Variants in BRDT observed in about 807,000 individuals in gnomAD.
BRDT encodes bromodomain testis associated.
A neutral mutation model predicts 113.9 loss-of-function variants in BRDT; 77 were observed. That is an observed-to-expected ratio of 0.68 (90% CI 0.56 to 0.82). BRDT has a LOEUF of 0.82. BRDT is among the 40% of genes least tolerant of loss of function. The pLI, the probability that BRDT is intolerant of heterozygous loss-of-function variation, is 0.00. For missense variants in BRDT, 1,027 were observed against 1,105.4 expected, an observed-to-expected ratio of 0.93 and a Z score of 1.01; for synonymous variants, 358 against 366.5, an observed-to-expected ratio of 0.98 and a Z score of 0.26.
intron 18 of BRDT, among the ~76,000 whole-genome samples, chr1:92,006,792 A>G (rs974113028): frequency 9.5e-5 from 14 of 148,098 alleles, no homozygotes; most frequent in African/African-American, 3.0e-4. Context: ...TTTTTATTTT[A>G]TTTTATTTTT....
intron 4 of BRDT, 75 bp downstream of exon 4, chr1:91,968,335 C>T: frequency 1.3e-6 from 2 of 1,530,016 alleles, no homozygotes; most frequent in Non-Finnish European, 1.8e-6. Flanking sequence ...TGTGTAAATC[C>T]CTCAAAGGAG....
chr1:91,957,030 T>C (rs1681848303), intron 1 of BRDT, among the ~76,000 whole-genome samples: 1 of 152,214 alleles, frequency 6.6e-6, no homozygotes. Flanking sequence ...TTATAGGTAC[T>C]ATGTACTTAG....
At chr1:91,973,407 T>A (rs1003658163) in intron 4 of BRDT, among the ~76,000 whole-genome samples, 1 of 152,082 alleles carries the variant, frequency 6.6e-6, no homozygotes, top group Non-Finnish European at 1.5e-5. Context: ...ATTCTTCCTA[T>A]CCATGAGCAT....
rs181333943 is a variant in BRDT, at chr1:91,971,122, T to G, written c.445+2862T>G. 4.2e-4 allele frequency among the ~76,000 whole-genome samples: 64 copies of G among 150,910 alleles called. No individual in the cohort carries two copies. The East Asian group carries it at 0.011, about 26-fold the overall frequency. The stretch of plus-strand genomic sequence containing the variant: ...TGGTGAGGTGGGGGTAGGGGAGAGG[T>G]GCTCTTTTAAGCAACCAGCTCTTCT... On this transcript the variant is annotated intron_variant, in intron 4 of 18. Transcript: ENST00000399546.
At chr1:91,951,242 G>A (rs950702971) in intron 1 of BRDT, among the ~76,000 whole-genome samples, 2 of 152,282 alleles carry the variant, frequency 1.3e-5, no homozygotes, top group African/African-American at 4.8e-5. Context: ...AGATTATAAA[G>A]GGGTTTGTAT....
intron 15 of BRDT, among the ~76,000 whole-genome samples, chr1:91,995,745 T>G (rs1450704597): frequency 3.3e-5 from 5 of 151,962 alleles, no homozygotes; most frequent in African/African-American, 1.2e-4. Flanking sequence ...CAAGTGATTC[T>G]CCTGTCTCAG....
intron 1 of BRDT, among the ~76,000 whole-genome samples, chr1:91,960,668 A>C (rs144768732): frequency 2.0e-5 from 3 of 151,956 alleles, no homozygotes; most frequent in African/African-American, 7.2e-5. Flanking sequence ...ACTTAAAAAG[A>C]GTATGGTAAA....
intron 18 of BRDT, among the ~76,000 whole-genome samples, chr1:92,009,545 CTTTTTTTTTT>C (rs59044630): frequency 2.9e-5 from 3 of 103,412 alleles, no homozygotes; most frequent in Non-Finnish European, 5.4e-5. Flanking sequence ...CAACTTGCCA[CTTTTTTTTTT>C]TTTTTTTTTC....
chr1:92,005,601 A>C (rs571629790), intron 18 of BRDT, among the ~76,000 whole-genome samples: 1 of 152,172 alleles, frequency 6.6e-6, no homozygotes. Context: ...CTATGATCAC[A>C]CCACTACACT....
rs1684633872 is a variant in BRDT at position 91,980,670 on chromosome 1, G to C, written c.1315G>C (p.Val439Leu). 1 of 1,588,308 alleles carries C rather than the reference G, an allele frequency of 6.3e-7. No individual in the cohort carries two copies. Among genetic ancestry groups the C allele is most frequent in the East Asian group, 2.2e-5 (1 of 44,614 alleles). The change falls in exon 9 of 19, where the codon GTT (valine) becomes CTT (leucine). Residue 439 changes from valine to leucine, a missense_variant. Transcript: ENST00000399546. ...TAAAGCTGTACATCAACAGCTCCAGGTTTTGTCCCAAGTACCTTTCCGTAA... is the reference window on the plus strand; with the variant it reads ...TAAAGCTGTACATCAACAGCTCCAGCTTTTGTCCCAAGTACCTTTCCGTAA... The part of the protein sequence containing the change: ...QLKAVHQQLQ[V>L]LSQVPFRKLN...
intron 1 of BRDT, among the ~76,000 whole-genome samples, chr1:91,957,028 A>G (rs2101520503): frequency 6.6e-6 from 1 of 152,324 alleles, no homozygotes; most frequent in East Asian, 1.9e-4. Context: ...ATTTATAGGT[A>G]CTATGTACTT....
intron 15 of BRDT, among the ~76,000 whole-genome samples, chr1:91,995,403 C>CTGTGTGTGTGTGTGTGTGTGTGTG (rs200254179): frequency 6.8e-6 from 1 of 146,760 alleles, no homozygotes; most frequent in African/African-American, 2.6e-5. Flanking sequence ...CCCTACTATT[C>CTGTGTGTGTGTGTGTGTGTGTGTG]TGTGTGTGTG....
chr1:91,957,162 C>A (rs1028948517), intron 1 of BRDT, among the ~76,000 whole-genome samples: 1 of 152,058 alleles, frequency 6.6e-6, no homozygotes, highest in African/African-American at 2.4e-5. Context: ...TTTGTGTTAG[C>A]GCTGAACATG....
chr1:91,994,948 T>C (rs78372905), intron 15 of BRDT, among the ~76,000 whole-genome samples: 10,120 of 150,348 alleles, frequency 0.067, 401 homozygotes, highest in African/African-American at 0.097. Context: ...GTTACAGATA[T>C]ATAAAATAGT....
intron 15 of BRDT, among the ~76,000 whole-genome samples, chr1:92,000,058 T>C (rs552310468): frequency 6.6e-6 from 1 of 152,310 alleles, no homozygotes; most frequent in African/African-American, 2.4e-5. Flanking sequence ...TATTTGTTTG[T>C]TTTGTTTGGT....
intron 1 of BRDT, among the ~76,000 whole-genome samples, chr1:91,961,496 T>TCATG (rs1682438036): frequency 6.6e-6 from 1 of 151,772 alleles, no homozygotes; most frequent in Non-Finnish European, 1.5e-5. Flanking sequence ...CTGCATGGTG[T>TCATG]CATGCATCTG....
At chr1:91,965,925 G>A (rs1683023822) in intron 3 of BRDT, among the ~76,000 whole-genome samples, 1 of 151,904 alleles carries the variant, frequency 6.6e-6, no homozygotes, top group Admixed American at 6.6e-5. Context: ...TTGTTTCTCT[G>A]TCTAAAAAAG....
chr1:91,968,322 G>A, intron 4 of BRDT, 62 bp downstream of exon 4: 1 of 1,573,958 alleles, frequency 6.4e-7, no homozygotes, highest in Non-Finnish European at 8.6e-7. Flanking sequence ...TATCTCATGT[G>A]TGTGTGTAAA....
chr1:91,956,424 C>T (rs1023423716), intron 1 of BRDT, among the ~76,000 whole-genome samples: 4 of 151,904 alleles, frequency 2.6e-5, no homozygotes, highest in African/African-American at 9.7e-5. Flanking sequence ...CATTTTAGCA[C>T]TGTCCCTTAG....
Sources: gnomAD v4.1 joint callset for allele counts (sites outside exome capture counted in the v4.1 genomes callset) on GRCh38, gnomAD v4.1.1 for gene constraint, MANE v1.5 for transcripts, NCBI Gene and HGNC (gene_info 2026-07-23, HGNC 2026-07-21) for gene names.